Variants in USP31 observed in about 807,000 individuals in gnomAD.
USP31 encodes the protein ubiquitin carboxyl-terminal hydrolase 31.
In USP31, 44 loss-of-function variants were observed where a neutral mutation model predicts 119.4. The observed-to-expected ratio is 0.37, with a 90% confidence interval of 0.29 to 0.47. The LOEUF (loss-of-function observed/expected upper bound fraction) is 0.47. Ranked by LOEUF, USP31 falls within the 20% of genes least tolerant of loss-of-function variation. The pLI is 0.99. For synonymous variants in USP31, 749 were observed against 705.6 expected, an observed-to-expected ratio of 1.06 and a Z score of -0.97; for missense variants, 1,643 against 1,730.2, an observed-to-expected ratio of 0.95 and a Z score of 0.89.
At chr16:23,092,670 C>G (rs1901418914) in intron 6 of USP31, among the ~76,000 whole-genome samples, 1 of 152,074 alleles carries the variant, frequency 6.6e-6, no homozygotes, top group Non-Finnish European at 1.5e-5. Flanking sequence ...GGAAACGTAA[C>G]AACTGGAAAA....
chr16:23,084,750 G>A (rs1901019114), intron 11 of USP31, 110 bp downstream of exon 11: 2 of 1,455,268 alleles, frequency 1.4e-6, no homozygotes, highest in African/African-American at 2.8e-5. Context: ...TTACATATAT[G>A]CAAAATCCTG....
chr16:23,095,569 A>G (rs1213522814), intron 6 of USP31, among the ~76,000 whole-genome samples: 1 of 152,242 alleles, frequency 6.6e-6, no homozygotes, highest in African/African-American at 2.4e-5. Flanking sequence ...GGTTGAAATG[A>G]AGGAAAAAAT....
intron 2 of USP31, among the ~76,000 whole-genome samples, chr16:23,106,908 T>A (rs1596715970): frequency 6.6e-6 from 1 of 151,856 alleles, no homozygotes; most frequent in Non-Finnish European, 1.5e-5. Flanking sequence ...AGGTCGGGAG[T>A]TCGAGACCAG....
At chr16:23,088,408 G>C (rs13332341) in intron 7 of USP31, among the ~76,000 whole-genome samples, 1 of 152,102 alleles carries the variant, frequency 6.6e-6, no homozygotes, top group Non-Finnish European at 1.5e-5. Context: ...TCCAGCCCCC[G>C]GAGAGATTCT....
At chr16:23,136,580 G>A (rs908507977) in intron 1 of USP31, among the ~76,000 whole-genome samples, 1 of 152,054 alleles carries the variant, frequency 6.6e-6, no homozygotes, top group African/African-American at 2.4e-5. Flanking sequence ...CTTGAGCCCA[G>A]GAGCCGGAGG....
chr16:23,092,255 T>G lies in USP31; in HGVS notation c.1235-1451A>C, dbSNP rs1308666531. Among the ~76,000 whole-genome samples the G allele has an allele frequency of 2.0e-5, 3 of 152,236 alleles. No individual in the cohort carries two copies. The East Asian group carries it at 5.8e-4, about 29-fold the overall frequency. On this transcript the variant is annotated intron_variant, in intron 6 of 15. Transcript: ENST00000219689. ...TCTCTGGCTAGAATACAATAACCTTTGGATTCACCAAATTCACTTATAAAT... is the reference window on the plus strand; with the variant it reads ...TCTCTGGCTAGAATACAATAACCTTGGGATTCACCAAATTCACTTATAAAT...
At position 23,090,499 on chromosome 16, in the gene USP31, T is replaced by C. The variant is rs1159775046; in HGVS notation, c.1415+125A>G. The C allele has an allele frequency of 2.9e-6, 3 of 1,037,040 alleles. No individual in the cohort carries two copies. The African/African-American group carries it at 4.8e-5, about 17-fold the overall frequency. 64.2% of individuals were successfully genotyped at this position (1,037,040 alleles called of 1,614,324 possible). ...CAGGTCAACTTGTACATGTATTCTT[T>C]CTAAATATCAGAATCAAAAATTAAC... On this transcript the variant is annotated intron_variant, in intron 7 of 15. Coordinates refer to ENST00000219689, the MANE Select transcript of USP31 (RefSeq NM_020718.4).
chr16:23,082,809 A>C (rs1382091618), intron 11 of USP31, among the ~76,000 whole-genome samples: 1 of 149,808 alleles, frequency 6.7e-6, no homozygotes, highest in African/African-American at 2.4e-5. Flanking sequence ...TAAATGTTAA[A>C]TATGTTACTT....
intron 1 of USP31, among the ~76,000 whole-genome samples, chr16:23,146,844 ATGGGAAACCAG>A (rs889041891): frequency 6.6e-6 from 1 of 152,132 alleles, no homozygotes; most frequent in African/African-American, 2.4e-5. Flanking sequence ...TATAGCACCA[ATGGGAAACCAG>A]TACCTTTTGC....
intron 6 of USP31, among the ~76,000 whole-genome samples, chr16:23,091,434 A>G (rs1901356891): frequency 6.6e-6 from 1 of 152,220 alleles, no homozygotes; most frequent in South Asian, 2.1e-4. Flanking sequence ...AGCACCCAGC[A>G]CAACCCCAAT....
In USP31 at chr16:23,069,477, G is replaced by C; in HGVS notation, c.2628C>G (p.Arg876=). The stretch of plus-strand genomic sequence containing the variant: ...CTGAAAATCGGGATGGAGAATTGGA[G>C]CGCATCTGCAGCTTAGCAGACAGGG... ...SWSLSAKLQM[R]SNSPSRFSGD... Residue 876 remains arginine (R), a synonymous_variant, in exon 16 of 16, where the codon CGC becomes CGG. Transcript: ENST00000219689. The C allele has an allele frequency of 6.2e-7, 1 of 1,614,242 alleles. No homozygotes were observed. Among genetic ancestry groups the C allele is most frequent in the Non-Finnish European group, 8.5e-7 (1 of 1,180,050 alleles).
chr16:23,083,564 T>C (rs1900934685), intron 11 of USP31, among the ~76,000 whole-genome samples: 1 of 149,892 alleles, frequency 6.7e-6, no homozygotes, highest in African/African-American at 2.5e-5. Context: ...TCCATTATCT[T>C]TGTGCCATTA....
intron 1 of USP31, among the ~76,000 whole-genome samples, chr16:23,137,327 C>T (rs1427672316): frequency 6.6e-6 from 1 of 152,094 alleles, no homozygotes; most frequent in African/African-American, 2.4e-5. Context: ...AATCAGAACC[C>T]TCATCCATTA....
At chr16:23,109,836 T>C (rs2141877764) in intron 1 of USP31, among the ~76,000 whole-genome samples, 1 of 116,986 alleles carries the variant, frequency 8.5e-6, no homozygotes, top group Admixed American at 8.8e-5. Flanking sequence ...TGAGGGACAT[T>C]CTACCAAAAA....
chr16:23,076,538 T>G (rs1294634656), intron 13 of USP31, among the ~76,000 whole-genome samples: 1 of 152,158 alleles, frequency 6.6e-6, no homozygotes, highest in Non-Finnish European at 1.5e-5. Context: ...AGTGAACAGC[T>G]ACCTGCCCCA....
intron 1 of USP31, among the ~76,000 whole-genome samples, chr16:23,112,147 T>C (rs1902338137): frequency 6.6e-6 from 1 of 152,110 alleles, no homozygotes; most frequent in Non-Finnish European, 1.5e-5. Flanking sequence ...GACCACTGGA[T>C]GCCATCTCAG....
intron 13 of USP31, among the ~76,000 whole-genome samples, chr16:23,077,254 C>T (rs1201935278): frequency 1.3e-5 from 2 of 152,152 alleles, no homozygotes; most frequent in Non-Finnish European, 2.9e-5. Context: ...TGGGATCATT[C>T]CTCTCACAAA....
chr16:23,074,080 T>C lies in USP31; in HGVS notation c.2177-200A>G, dbSNP rs1236448625. The C allele has an allele frequency of 8.1e-6, 5 of 617,300 alleles. No homozygotes were observed. In the East Asian group the frequency reaches 1.3e-4, roughly 16 times the overall value. 38.2% of individuals were successfully genotyped at this position (617,300 alleles called of 1,614,324 possible). A position where few individuals can be genotyped will look rare whatever the true frequency, so the allele number is the denominator to read the frequency against. ...AAATATCTTGAGAAATTCCAAACCA[T>C]TCCAAGTAGATGCAGTTCCAGTTCA... On this transcript the variant is annotated intron_variant, in intron 13 of 15. Coordinates refer to ENST00000219689, the MANE Select transcript of USP31 (RefSeq NM_020718.4).
chr16:23,099,979 C>A (rs999921272), intron 6 of USP31, among the ~76,000 whole-genome samples: 2 of 152,132 alleles, frequency 1.3e-5, no homozygotes, highest in Non-Finnish European at 2.9e-5. Flanking sequence ...TAATGAGATA[C>A]CACTTCATAC....
Sources: allele counts gnomAD v4.1 joint callset (sites outside exome capture counted in the v4.1 genomes callset), GRCh38; gene constraint gnomAD v4.1.1; transcripts MANE v1.5; gene names NCBI Gene and HGNC (gene_info 2026-07-23, HGNC 2026-07-21).